The following TET3 variants were observed in gnomAD, a reference collection of about 807,000 sequenced individuals.
TET3 encodes methylcytosine dioxygenase TET3.
A neutral mutation model predicts 141.4 loss-of-function variants in TET3; 19 were observed. The ratio of observed to expected loss-of-function variants is 0.13; its 90% CI spans 0.09 to 0.20. The LOEUF is 0.20. TET3 is among the 10% of genes least tolerant of loss of function. TET3 has a pLI of 1.00. For missense variants in TET3, 1,874 were observed against 2,356.9 expected, an observed-to-expected ratio of 0.80 and a Z score of 4.24; for synonymous variants, 1,043 against 980.9, an observed-to-expected ratio of 1.06 and a Z score of -1.18.
chr2:74,074,058 C>A (rs1322290986), intron 5 of TET3, among the ~76,000 whole-genome samples: 2 of 152,128 alleles, frequency 1.3e-5, no homozygotes, highest in East Asian at 3.8e-4. Flanking sequence ...TCCAAAACTA[C>A]CTCATAGGTG....
chr2:74,038,157 C>T (rs929191942), intron 3 of TET3, among the ~76,000 whole-genome samples: 1 of 152,178 alleles, frequency 6.6e-6, no homozygotes, highest in Non-Finnish European at 1.5e-5. Context: ...TGCAGGGTCA[C>T]CTTCAGCACA....
chr2:74,081,605 A>G (rs966019929), intron 6 of TET3, among the ~76,000 whole-genome samples: 1 of 152,160 alleles, frequency 6.6e-6, no homozygotes, highest in African/African-American at 2.4e-5. Context: ...CATGTGGGCA[A>G]AGGCAGAGAG....
chr2:74,019,533 C>G (rs1187981830), intron 3 of TET3, among the ~76,000 whole-genome samples: 1 of 152,134 alleles, frequency 6.6e-6, no homozygotes, highest in East Asian at 1.9e-4. Context: ...GTGTGAGTTC[C>G]CAGTGGTGGG....
intron 4 of TET3, among the ~76,000 whole-genome samples, chr2:74,056,433 G>A (rs1218309464): frequency 1.3e-5 from 2 of 152,120 alleles, no homozygotes; most frequent in Non-Finnish European, 2.9e-5. Flanking sequence ...AAGTGCACAG[G>A]GTTAAGAAAA....
chr2:74,095,505 A>G (rs1002161578), intron 10 of TET3, among the ~76,000 whole-genome samples: 11 of 152,238 alleles, frequency 7.2e-5, no homozygotes, highest in African/African-American at 2.7e-4. Flanking sequence ...AAAAATTTAA[A>G]TAATATTAAA....
At chr2:73,997,707 TCCTGGCCCCATTCAGCAAA>T (rs1412112018) in intron 2 of TET3, among the ~76,000 whole-genome samples, 1 of 152,208 alleles carries the variant, frequency 6.6e-6, no homozygotes, top group African/African-American at 2.4e-5. Context: ...CAGGTGGCCC[TCCTGGCCCCATTCAGCAAA>T]CCTCGCCTGG....
chr2:74,049,289 C>T (rs1231053039), intron 4 of TET3, among the ~76,000 whole-genome samples: 3 of 152,102 alleles, frequency 2.0e-5, no homozygotes, highest in African/African-American at 4.8e-5. Context: ...GCCAGAAGAC[C>T]AGGTCAGGGT....
intron 3 of TET3, among the ~76,000 whole-genome samples, chr2:74,032,649 G>A (rs987511748): frequency 1.3e-5 from 2 of 152,060 alleles, no homozygotes; most frequent in Non-Finnish European, 2.9e-5. Context: ...ATTTCCTCCC[G>A]GCTGGCCTCT....
At chr2:74,062,382 A>G (rs554880209) in intron 4 of TET3, among the ~76,000 whole-genome samples, 1 of 152,402 alleles carries the variant, frequency 6.6e-6, no homozygotes, top group South Asian at 2.1e-4. Context: ...AATCTGTTCA[A>G]ATGTAAAGTC....
chr2:74,089,791 G>T (rs1345579590), intron 7 of TET3, 106 bp from the exon 8 acceptor site: 1 of 1,432,128 alleles, frequency 7.0e-7, no homozygotes, highest in Non-Finnish European at 9.5e-7. Context: ...TCACTGGGAG[G>T]CTGGTGGGTG....
chr2:73,986,401 A>T lies in TET3; in HGVS notation c.-3A>T, dbSNP rs893640069. ...CACCTATGACCCCACCTCTGGCAGC[A>T]TCATGAGCCAGTTTCAGGTGCCCCT... On this transcript the variant is annotated 5_prime_UTR_variant, in exon 2 of 12. Coordinates refer to ENST00000409262, the MANE Select transcript of TET3 (RefSeq NM_001287491.2). The T allele has an allele frequency of 4.9e-6, 6 of 1,232,032 alleles. No homozygotes were observed. The highest frequency in any genetic ancestry group is 6.1e-6 in the Non-Finnish European group (6 of 988,040). 76.3% of individuals were successfully genotyped at this position (1,232,032 alleles called of 1,614,324 possible).
At chr2:74,021,748 A>C (rs1170729690) in intron 3 of TET3, among the ~76,000 whole-genome samples, 1 of 152,182 alleles carries the variant, frequency 6.6e-6, no homozygotes, top group African/African-American at 2.4e-5. Context: ...CGCCCAATGG[A>C]GTTTGAGAAC....
rs1223483271 is a variant in TET3, at chr2:73,985,480, G to A, written c.-425+323G>A. Among the ~76,000 whole-genome samples the A allele has an allele frequency of 5.2e-4, 76 of 144,992 alleles. 2 individuals carry two copies. The South Asian group carries it at 0.016, about 30-fold the overall frequency. On this transcript the variant is annotated intron_variant, in intron 1 of 11. Coordinates refer to ENST00000409262, the MANE Select transcript of TET3 (RefSeq NM_001287491.2). Reference sequence around the variant, plus strand: ...CCCGCGCCCCTCGGCGGCGCGGGCCGCCCTCCCCAGTCGGGCTGGCGGGCT... The same window carrying A: ...CCCGCGCCCCTCGGCGGCGCGGGCCACCCTCCCCAGTCGGGCTGGCGGGCT...
chr2:74,058,546 C>T (rs1273563540), intron 4 of TET3, among the ~76,000 whole-genome samples: 1 of 151,542 alleles, frequency 6.6e-6, no homozygotes, highest in Non-Finnish European at 1.5e-5. Context: ...AAGTTGGTCA[C>T]CTATATTAGG....
the TET3 span, among the ~76,000 whole-genome samples, chr2:74,124,865 A>G: frequency 6.7e-6 from 1 of 150,004 alleles, no homozygotes; most frequent in Non-Finnish European, 1.5e-5. Flanking sequence ...TCCCTCCACT[A>G]TTGTCCTATG....
At chr2:74,009,126 G>A (rs1403546413) in intron 3 of TET3, among the ~76,000 whole-genome samples, 2 of 152,148 alleles carry the variant, frequency 1.3e-5, no homozygotes, top group Non-Finnish European at 2.9e-5. Context: ...TTTCTAGCCT[G>A]CAGGCCTTGG....
At chr2:74,004,184 G>C (rs1685026710) in intron 3 of TET3, among the ~76,000 whole-genome samples, 1 of 152,118 alleles carries the variant, frequency 6.6e-6, no homozygotes, top group South Asian at 2.1e-4. Context: ...GAGGAAGCGC[G>C]TTCCTGCCCC....
At chr2:74,033,997 G>T (rs1686891770) in intron 3 of TET3, among the ~76,000 whole-genome samples, 1 of 152,164 alleles carries the variant, frequency 6.6e-6, no homozygotes, top group Non-Finnish European at 1.5e-5. Context: ...TTGGGAGGCT[G>T]AGGCAGGAGA....
At chr2:74,119,914 TGTC>T in the TET3 span, among the ~76,000 whole-genome samples, 1 of 152,254 alleles carries the variant, frequency 6.6e-6, no homozygotes, top group Non-Finnish European at 1.5e-5. Context: ...TTTAAATACT[TGTC>T]AAATTATACA....
Sources: allele counts gnomAD v4.1 joint callset (sites outside exome capture counted in the v4.1 genomes callset), GRCh38; gene constraint gnomAD v4.1.1; transcripts MANE v1.5; gene names NCBI Gene and HGNC (gene_info 2026-07-23, HGNC 2026-07-21).